The following MYO3B variants were observed in gnomAD, a reference collection of about 807,000 sequenced individuals.
MYO3B encodes myosin-IIIb.
A neutral mutation model predicts 174.6 loss-of-function variants in MYO3B; 156 were observed. The ratio of observed to expected loss-of-function variants is 0.89; its 90% CI spans 0.78 to 1.02. The LOEUF is 1.02. Among genes scored for constraint, MYO3B ranks in the 50% least tolerant of loss-of-function variants. MYO3B has a pLI of 0.00. For synonymous variants in MYO3B, 563 were observed against 569.1 expected (o/e 0.99, Z 0.15); for missense variants, 1,632 against 1,639.4 (o/e 1.00, Z 0.08).
intron 23 of MYO3B, among the ~76,000 whole-genome samples, chr2:170,449,604 T>TC (rs1320822424): frequency 6.6e-6 from 1 of 151,812 alleles, no homozygotes; most frequent in African/African-American, 2.4e-5. Flanking sequence ...ATGAAGAAAC[T>TC]CCATCTCTAC....
At chr2:170,537,534 CT>C (rs1689801147) in intron 30 of MYO3B, among the ~76,000 whole-genome samples, 1 of 141,428 alleles carries the variant, frequency 7.1e-6, no homozygotes, top group Admixed American at 7.5e-5. Context: ...CAGCCTCGAC[CT>C]CCCTGGGCCC....
rs955715210 is a variant in MYO3B at position 170,466,583 on chromosome 2, C to A, written c.2886C>A (p.Asp962Glu). The A allele has an allele frequency of 3.7e-6, 6 of 1,614,096 alleles. No individual in the cohort carries two copies. In the African/African-American group the frequency reaches 6.7e-5, roughly 18 times the overall value. ...TGCGCTGCATTAAACCCAATGATGA[C>A]CGAGAGGCCCTGCAGTTCTCTCGAG... is the stretch of plus-strand genomic sequence containing the variant. ...HFVRCIKPND[D>E]REALQFSRER... The change falls in exon 25 of 35, where the codon GAC becomes GAA. Residue 962 changes from aspartate (D) to glutamate (E), a missense_variant. Physicochemically the swap from Asp to Glu is conservative, Grantham distance 45. Coordinates refer to ENST00000408978, the MANE Select transcript of MYO3B (RefSeq NM_138995.5).
intron 32 of MYO3B, among the ~76,000 whole-genome samples, chr2:170,547,789 A>C (rs1174879827): frequency 1.3e-5 from 2 of 152,228 alleles, no homozygotes; most frequent in Non-Finnish European, 2.9e-5. Flanking sequence ...GGAGATAGAC[A>C]ATAAACATTA....
chr2:170,387,018 G>T, intron 13 of MYO3B, 88 bp from the exon 14 acceptor site: 8 of 1,306,164 alleles, frequency 6.1e-6, no homozygotes, highest in Non-Finnish European at 7.6e-6. Flanking sequence ...AGACCATGTG[G>T]ATTTTGGTGG....
At chr2:170,214,203 G>T (rs1359881432) in intron 3 of MYO3B, among the ~76,000 whole-genome samples, 176 bp from the exon 4 acceptor site, 1 of 152,210 alleles carries the variant, frequency 6.6e-6, no homozygotes, top group Non-Finnish European at 1.5e-5. Context: ...CATACGCAAA[G>T]AATTAGATTA....
chr2:170,609,357 G>T (rs6754382), intron 32 of MYO3B, among the ~76,000 whole-genome samples: 31,917 of 151,868 alleles, frequency 0.21, 4,365 homozygotes, highest in East Asian at 0.43. Context: ...TTCAGGAATC[G>T]CCATACATTT....
intron 28 of MYO3B, among the ~76,000 whole-genome samples, chr2:170,513,499 C>G (rs142002182): frequency 1.3e-5 from 2 of 152,248 alleles, no homozygotes; most frequent in East Asian, 3.9e-4. Flanking sequence ...ATGAGGACAC[C>G]AGTCATTGGC....
chr2:170,334,031 TTCTA>T (rs1352831759), intron 7 of MYO3B: 1 of 152,202 alleles, frequency 6.6e-6, no homozygotes, highest in Admixed American at 6.5e-5. Context: ...GAATCCAGTT[TTCTA>T]TCTGTTTGCT....
intron 32 of MYO3B, among the ~76,000 whole-genome samples, chr2:170,591,930 C>T (rs1420180275): frequency 6.6e-6 from 1 of 152,224 alleles, no homozygotes; most frequent in Admixed American, 6.5e-5. Flanking sequence ...CATGCAGTTG[C>T]TTCTCAACTC....
intron 7 of MYO3B, among the ~76,000 whole-genome samples, chr2:170,251,782 T>G (rs1422286823): frequency 1.3e-5 from 2 of 152,238 alleles, no homozygotes; most frequent in East Asian, 3.8e-4. Context: ...TTACAGCAGT[T>G]CTAGGAAACT....
At chr2:170,602,626 G>A (rs1212607436) in intron 32 of MYO3B, among the ~76,000 whole-genome samples, 1 of 152,030 alleles carries the variant, frequency 6.6e-6, no homozygotes, top group Non-Finnish European at 1.5e-5. Context: ...CACCTCAGTT[G>A]GACTATTATA....
At chr2:170,399,445 G>C (rs2094461668) in intron 16 of MYO3B, among the ~76,000 whole-genome samples, 1 of 148,280 alleles carries the variant, frequency 6.7e-6, no homozygotes, top group Non-Finnish European at 1.5e-5. Flanking sequence ...CTGTACTCCA[G>C]CCAGGGTGAC....
chr2:170,375,469 G>T (rs540301333), intron 9 of MYO3B, among the ~76,000 whole-genome samples: 1 of 151,640 alleles, frequency 6.6e-6, no homozygotes, highest in Non-Finnish European at 1.5e-5. Context: ...AATGCCAAGG[G>T]TCTGTTCTAA....
At chr2:170,484,785 C>T (rs1685923216) in intron 25 of MYO3B, among the ~76,000 whole-genome samples, 1 of 151,548 alleles carries the variant, frequency 6.6e-6, no homozygotes, top group Non-Finnish European at 1.5e-5. Context: ...TTACTCAAGG[C>T]CAAACATGAA....
At chr2:170,422,712 C>T (rs1022695059) in intron 22 of MYO3B, among the ~76,000 whole-genome samples, 8 of 151,590 alleles carry the variant, frequency 5.3e-5, no homozygotes, top group Non-Finnish European at 1.0e-4. Flanking sequence ...CGCCTTGGCC[C>T]CCCAAAGTGC....
chr2:170,355,167 G>A (rs2094110715), intron 8 of MYO3B, among the ~76,000 whole-genome samples: 1 of 152,160 alleles, frequency 6.6e-6, no homozygotes, highest in African/African-American at 2.4e-5. Flanking sequence ...CATGGTAGTG[G>A]TTTGTGTCCT....
chr2:170,399,115 G>A (rs2094458103), intron 16 of MYO3B, among the ~76,000 whole-genome samples: 1 of 151,962 alleles, frequency 6.6e-6, no homozygotes, highest in South Asian at 2.1e-4. Flanking sequence ...GGTAGTGCAT[G>A]TCTGTAATCT....
intron 25 of MYO3B, among the ~76,000 whole-genome samples, chr2:170,474,859 C>G (rs753946486): frequency 1.3e-5 from 2 of 148,610 alleles, no homozygotes; most frequent in Non-Finnish European, 3.0e-5. Context: ...AAAGGTTCAC[C>G]TTAGCCCAGA....
intron 22 of MYO3B, among the ~76,000 whole-genome samples, chr2:170,422,451 T>C (rs1375295994): frequency 6.9e-6 from 1 of 145,754 alleles, no homozygotes; most frequent in Admixed American, 7.4e-5. Context: ...TGTAAAATGT[T>C]CTATTAGCCA....
Sources: allele counts gnomAD v4.1 joint callset (sites outside exome capture counted in the v4.1 genomes callset), GRCh38; gene constraint gnomAD v4.1.1; transcripts MANE v1.5; gene names NCBI Gene and HGNC (gene_info 2026-07-23, HGNC 2026-07-21).